COL14A1: variants seen among roughly 807,000 people sequenced by gnomAD.
COL14A1 encodes the protein collagen type XIV alpha 1 chain.
In COL14A1, 136 loss-of-function variants were observed where a neutral mutation model predicts 230.3. The observed-to-expected ratio is 0.59, with a 90% CI of 0.51 to 0.68. The LOEUF (loss-of-function observed/expected upper bound fraction) is 0.68, where lower values mean the gene tolerates loss of function less well. COL14A1 is among the 30% of genes least tolerant of loss of function. The probability of loss-of-function intolerance (pLI) is 0.00; values close to 1 mark genes in which losing one functional copy is unlikely to be tolerated. For synonymous variants in COL14A1, 792 were observed against 784.1 expected, an observed-to-expected ratio of 1.01 and a Z score of -0.17; for missense variants, 1,976 against 2,215.8, an observed-to-expected ratio of 0.89 and a Z score of 2.17.
chr8:120,218,320 A>AT, intron 14 of COL14A1, among the ~76,000 whole-genome samples: 1 of 146,304 alleles, frequency 6.8e-6, no homozygotes, highest in South Asian at 2.1e-4. Context: ...ATATATATAT[A>AT]CATATTTGAG....
intron 36 of COL14A1, among the ~76,000 whole-genome samples, chr8:120,305,140 G>A (rs1820820989): frequency 6.6e-6 from 1 of 152,074 alleles, no homozygotes; most frequent in Non-Finnish European, 1.5e-5. Flanking sequence ...CACCATGCCA[G>A]GCTAATTTTT....
At chr8:120,172,177 GTCTC>G (rs954120740) in intron 5 of COL14A1, among the ~76,000 whole-genome samples, 10 of 151,084 alleles carry the variant, frequency 6.6e-5, no homozygotes, top group Non-Finnish European at 1.3e-4. Flanking sequence ...TTGAGATGGA[GTCTC>G]TCTCTGTTGC....
chr8:120,208,027 G>A (rs972762914), intron 10 of COL14A1, among the ~76,000 whole-genome samples: 1 of 152,118 alleles, frequency 6.6e-6, no homozygotes, highest in African/African-American at 2.4e-5. Context: ...GAATTAATAA[G>A]GGACTTCTAG....
At chr8:120,170,819 C>A (rs1045587056) in intron 5 of COL14A1, among the ~76,000 whole-genome samples, 2 of 151,876 alleles carry the variant, frequency 1.3e-5, no homozygotes, top group African/African-American at 4.8e-5. Flanking sequence ...AGCTATACCA[C>A]CTTTATTTTA....
chr8:120,337,401 T>TAAAAAAAAAAAAAAA (rs60418574), intron 42 of COL14A1, among the ~76,000 whole-genome samples: 2 of 129,458 alleles, frequency 1.5e-5, no homozygotes, highest in African/African-American at 2.9e-5. Context: ...GTCTCAAAAT[T>TAAAAAAAAAAAAAAA]AAAAAAAAAA....
chr8:120,253,279 G>T (rs987106496), intron 22 of COL14A1, among the ~76,000 whole-genome samples: 2 of 152,156 alleles, frequency 1.3e-5, no homozygotes, highest in Non-Finnish European at 2.9e-5. Flanking sequence ...AAAGTGCTGG[G>T]ATTACAGGCG....
intron 40 of COL14A1, among the ~76,000 whole-genome samples, chr8:120,324,985 T>G (rs1210313415): frequency 1.3e-5 from 2 of 152,136 alleles, no homozygotes; most frequent in African/African-American, 4.8e-5. Flanking sequence ...AGCACATACA[T>G]TTGTTCTATA....
At chr8:120,347,793 A>G (rs1172875222) in intron 45 of COL14A1, among the ~76,000 whole-genome samples, 1 of 152,186 alleles carries the variant, frequency 6.6e-6, no homozygotes, top group East Asian at 1.9e-4. Flanking sequence ...TCTGCTGTAT[A>G]AAATATGATT....
chr8:120,323,216 C>T (rs549133810), intron 40 of COL14A1, among the ~76,000 whole-genome samples: 2 of 151,914 alleles, frequency 1.3e-5, no homozygotes, highest in Admixed American at 6.6e-5. Flanking sequence ...TGCATGTCTT[C>T]TTTTGAGAAA....
intron 21 of COL14A1, among the ~76,000 whole-genome samples, chr8:120,249,414 G>A (rs1462477867): frequency 6.6e-6 from 1 of 152,122 alleles, no homozygotes; most frequent in African/African-American, 2.4e-5. Context: ...GCACTAGCCT[G>A]CTCCAGGCTC....
intron 40 of COL14A1, 114 bp downstream of exon 40, chr8:120,316,111 T>C (rs1772975063): frequency 4.2e-6 from 4 of 943,652 alleles, no homozygotes; most frequent in Non-Finnish European, 6.7e-6. Flanking sequence ...GCTTTTTGTT[T>C]TCTCCTGTTT....
At chr8:120,313,376 A>G (rs148245962) in intron 37 of COL14A1, among the ~76,000 whole-genome samples, 1 of 152,174 alleles carries the variant, frequency 6.6e-6, no homozygotes, top group Non-Finnish European at 1.5e-5. Flanking sequence ...AAAAAATGAA[A>G]AAAGGAAGTA....
chr8:120,254,542 C>CT (rs956967842), intron 22 of COL14A1, among the ~76,000 whole-genome samples: 8 of 151,964 alleles, frequency 5.3e-5, no homozygotes, highest in Non-Finnish European at 1.0e-4. Flanking sequence ...ACTGTATTTA[C>CT]TTTTTTATTA....
rs145098303 is a variant in COL14A1, at chr8:120,182,039, C to G, written c.436+13792C>G. On this transcript the variant is annotated intron_variant, in intron 5 of 47. Coordinates refer to ENST00000297848, the MANE Select transcript of COL14A1 (RefSeq NM_021110.4). ...CTAGCGTTAGACCTCCAGTTTTCCT[C>G]TAGTTCCTCCCTTACTGCCCTTGAT... is the stretch of plus-strand genomic sequence containing the variant. Among the ~76,000 whole-genome samples the G allele has an allele frequency of 4.1e-4, 63 of 152,316 alleles. No individual in the cohort carries two copies. The East Asian group carries it at 0.011, about 27-fold the overall frequency.
rs374418489 is a variant in COL14A1, at chr8:120,332,731, C to T, written c.4781C>T (p.Pro1594Leu). The change falls in exon 42 of 48, where the codon CCA (proline) becomes CTA (leucine). Residue 1594 changes from proline (P) to leucine (L), a missense_variant. Around this residue, in one of 3 missense-constraint regions of COL14A1, gnomAD observed 1,791 missense variants for 2,019.5 expected, o/e 0.89. Coordinates refer to ENST00000297848, the MANE Select transcript of COL14A1 (RefSeq NM_021110.4). Reference protein sequence around the residue: ...GSMGPQGALGPPGVPGAKGER... With the variant: ...GSMGPQGALGLPGVPGAKGER... ...ATGGGACCGCAAGGCGCCCTGGGAC[C>T]ACCTGTGAGTATGCAGCGGTAGCTG... 12 of 1,612,484 alleles carry T rather than the reference C, an allele frequency of 7.4e-6. No homozygotes were observed. The South Asian group carries it at 1.1e-4, about 15-fold the overall frequency.
chr8:120,351,068 T>A, intron 45 of COL14A1, among the ~76,000 whole-genome samples: 1 of 143,168 alleles, frequency 7.0e-6, no homozygotes, highest in Non-Finnish European at 1.5e-5. Flanking sequence ...AAACTAGAAC[T>A]CAGGATTAAG....
chr8:120,262,800 T>G, intron 23 of COL14A1, 68 bp from the exon 24 acceptor site: 1 of 1,491,222 alleles, frequency 6.7e-7, no homozygotes, highest in Non-Finnish European at 9.0e-7. Flanking sequence ...AAGCAAATCA[T>G]CTGCCAATGG....
At chr8:120,208,722 C>T (rs554541700) in intron 11 of COL14A1, among the ~76,000 whole-genome samples, 6 of 152,180 alleles carry the variant, frequency 3.9e-5, no homozygotes, top group South Asian at 2.1e-4. Flanking sequence ...ATAGCTCTCC[C>T]GCCCAATTGA....
chr8:120,302,294 T>A (rs1820737407), intron 36 of COL14A1, among the ~76,000 whole-genome samples: 1 of 148,842 alleles, frequency 6.7e-6, no homozygotes. Context: ...GATGTCTTCT[T>A]TGTCATGAAA....
Sources: allele counts gnomAD v4.1 joint callset (sites outside exome capture counted in the v4.1 genomes callset), GRCh38; gene constraint gnomAD v4.1.1; regional missense constraint gnomAD v4.1.1; transcripts MANE v1.5; gene names NCBI Gene and HGNC (gene_info 2026-07-23, HGNC 2026-07-21).